ZNF540: variants seen among roughly 807,000 people sequenced by gnomAD.
ZNF540 encodes zinc finger protein 540.
In ZNF540, 3 loss-of-function variants were observed where a neutral mutation model predicts 11.8. That is an observed-to-expected ratio of 0.25 (90% CI 0.12 to 0.65). The LOEUF (loss-of-function observed/expected upper bound fraction) is 0.65. ZNF540 is among the 30% of genes least tolerant of loss of function. The probability of loss-of-function intolerance (pLI) is 0.83; values close to 1 mark genes in which losing one functional copy is unlikely to be tolerated. For synonymous variants in ZNF540, 247 were observed against 259.0 expected, an observed-to-expected ratio of 0.95 and a Z score of 0.45; for missense variants, 709 against 793.1, an observed-to-expected ratio of 0.89 and a Z score of 1.27.
At position 37,611,879 on chromosome 19, in the gene ZNF540, A is replaced by G. The variant is rs1022866317; in HGVS notation, c.599A>G (p.Tyr200Cys). ...KECGSTFNNV[Y>C]QLTLHQKIHT... ...TGTGGGAGTACTTTTAATAATGTCT[A>G]TCAGCTTACTCTCCATCAGAAAATT... Residue 200 changes from tyrosine (Y) to cysteine (C), a missense_variant, in exon 5 of 5, where the codon TAT becomes TGT. By Grantham distance (194) the Tyr-to-Cys change is radical. Coordinates refer to ENST00000316433, the MANE Select transcript of ZNF540 (RefSeq NM_001172225.3). 4 of 1,613,892 alleles carry G rather than the reference A, an allele frequency of 2.5e-6. No homozygotes were observed. Among genetic ancestry groups the G allele is most frequent in the East Asian group, 2.2e-5 (1 of 44,802 alleles).
chr19:37,574,536 T>G (rs1274889531), intron 1 of ZNF540, among the ~76,000 whole-genome samples: 1 of 152,210 alleles, frequency 6.6e-6, no homozygotes, highest in Non-Finnish European at 1.5e-5. Flanking sequence ...CATTATAACA[T>G]TAGAACTCAA....
At chr19:37,604,675 G>A (rs915598973) in intron 4 of ZNF540, among the ~76,000 whole-genome samples, 1 of 151,948 alleles carries the variant, frequency 6.6e-6, no homozygotes, top group Non-Finnish European at 1.5e-5. Context: ...TTCATTAATT[G>A]TATCTGTTTA....
At chr19:37,605,774 G>A (rs886351297) in intron 4 of ZNF540, among the ~76,000 whole-genome samples, 1 of 152,162 alleles carries the variant, frequency 6.6e-6, no homozygotes. Context: ...CATTTTAGTG[G>A]ATGTGTAGGT....
In ZNF540 at chr19:37,612,062, A is replaced by T; in HGVS notation, c.782A>T (p.His261Leu). 2.5e-6 allele frequency: 4 copies of T among 1,612,198 alleles called. No homozygotes were observed. The highest frequency in any genetic ancestry group is 3.4e-6 in the Non-Finnish European group (4 of 1,179,602). Residue 261 changes from histidine (H) to leucine (L), a missense_variant, in exon 5 of 5, where the codon CAT becomes CTT. Transcript: ENST00000316433. The part of the protein sequence containing the change: ...TFTLYPQLNR[H>L]QKIHTGKKPY... ...ACTCTTTACCCACAACTTAATCGAC[A>T]TCAGAAAATTCACACTGGTAAAAAA... is the stretch of plus-strand genomic sequence containing the variant.
intron 1 of ZNF540, chr19:37,556,261 T>C (rs182507483): frequency 3.2e-6 from 2 of 619,858 alleles, no homozygotes; most frequent in Non-Finnish European, 5.8e-6. Context: ...GTGAAAGAGG[T>C]GAGGAGAAAG....
At chr19:37,577,774 CAA>C (rs1447262871) in intron 1 of ZNF540, among the ~76,000 whole-genome samples, 1 of 152,190 alleles carries the variant, frequency 6.6e-6, no homozygotes, top group Non-Finnish European at 1.5e-5. Flanking sequence ...GGGGGGCACT[CAA>C]GATGGCTGAC....
chr19:37,565,301 G>T (rs763590603), intron 1 of ZNF540: 2 of 1,610,394 alleles, frequency 1.2e-6, no homozygotes, highest in South Asian at 2.2e-5. Flanking sequence ...AGTAAGTTGT[G>T]AGCCACGAAA....
chr19:37,580,173 G>T lies in ZNF540; in HGVS notation c.-72-18203G>T, dbSNP rs16974061. ...ACCCTACATGGAGGTAATACTAAAT[G>T]ATCTCCAGCTATATTATCAGGTTTA... On this transcript the variant is annotated intron_variant, in intron 1 of 4. Coordinates refer to the ZNF540 transcript ENST00000592533. 6.7e-3 allele frequency among the ~76,000 whole-genome samples: 1,027 copies of T among 152,286 alleles called. 32 individuals carry two copies. The highest frequency in any genetic ancestry group is 0.051 in the East Asian group (263 of 5,178).
chr19:37,600,751 G>C (rs954708905), intron 3 of ZNF540, among the ~76,000 whole-genome samples: 2 of 152,056 alleles, frequency 1.3e-5, no homozygotes, highest in Admixed American at 1.3e-4. Context: ...CCTCTCAATA[G>C]AGCCAGTCTG....
intron 1 of ZNF540, among the ~76,000 whole-genome samples, chr19:37,596,042 TAG>T (rs2043990571): frequency 6.6e-6 from 1 of 152,164 alleles, no homozygotes; most frequent in South Asian, 2.1e-4. Context: ...TAAGAAATAA[TAG>T]AGACATTGTG....
intron 1 of ZNF540, among the ~76,000 whole-genome samples, chr19:37,580,115 C>T (rs2043398547): frequency 6.6e-6 from 1 of 152,160 alleles, no homozygotes; most frequent in Non-Finnish European, 1.5e-5. Context: ...TATTGCTATT[C>T]CAACAGGAGT....
At position 37,577,263 on chromosome 19, in the gene ZNF540, T is replaced by TA. The variant is rs1436945033; in HGVS notation, c.-72-21110dup. On this transcript the variant is annotated intron_variant, in intron 1 of 4. Coordinates refer to the ZNF540 transcript ENST00000592533. Reference sequence around the variant, plus strand: ...ATAATTAACATAAATTTATATGAGGTAAATCATAACAAAGTAAGCATACTA... The same window carrying TA: ...ATAATTAACATAAATTTATATGAGGTAAAATCATAACAAAGTAAGCATACTA... Among the ~76,000 whole-genome samples, 4 of 152,258 alleles carry TA rather than the reference T, an allele frequency of 2.6e-5. No homozygotes were observed. In the East Asian group the frequency reaches 5.8e-4, roughly 22 times the overall value.
chr19:37,600,938 C>G (rs892262180), intron 3 of ZNF540, 72 bp from the exon 4 acceptor site: 12 of 1,281,632 alleles, frequency 9.4e-6, no homozygotes, highest in Non-Finnish European at 1.3e-5. Context: ...TAAATTTAAC[C>G]AAGTCTCAAA....
chr19:37,585,031 T>A (rs1185109450), intron 1 of ZNF540: 2 of 152,190 alleles, frequency 1.3e-5, no homozygotes, highest in Non-Finnish European at 2.9e-5. Flanking sequence ...TCTATAATTC[T>A]TGAGAGTATG....
chr19:37,611,410 A>T, intron 4 of ZNF540, 103 bp from the exon 5 acceptor site: 1 of 875,856 alleles, frequency 1.1e-6, no homozygotes, highest in Non-Finnish European at 1.7e-6. Context: ...ACTGACTTCT[A>T]GTAAGAACCG....
rs1367789468 is a variant in ZNF540 at position 37,568,765 on chromosome 19, A to G, written c.-73+17100A>G. On this transcript the variant is annotated intron_variant, in intron 1 of 4. Coordinates refer to the ZNF540 transcript ENST00000592533. The stretch of plus-strand genomic sequence containing the variant: ...GTCATTAAATTAATGAAAAAACTAT[A>G]TGGTGAAAAAAGGGAAAACTGCAAA... Among the ~76,000 whole-genome samples, 4 of 152,164 alleles carry G rather than the reference A, an allele frequency of 2.6e-5. No individual in the cohort carries two copies. In the South Asian group the frequency reaches 8.3e-4, roughly 31 times the overall value.
Position 37,599,182 on chromosome 19 carries a change from A to C in ZNF540, c.10-444A>C, listed in dbSNP as rs80007617. ...TCGATTGATCAATCGATTGATCGAT[A>C]GATAGATAGATAGATAGATAAACTT... On this transcript the variant is annotated intron_variant, in intron 2 of 4. Transcript: ENST00000316433. 5.6e-3 allele frequency among the ~76,000 whole-genome samples: 481 copies of C among 85,876 alleles called. 3 individuals carry two copies. The highest frequency in any genetic ancestry group is 0.015 in the Middle Eastern group (2 of 136). 56.3% of individuals were successfully genotyped at this position (85,876 alleles called of 152,430 possible). A position where few individuals can be genotyped will look rare whatever the true frequency, so the allele number is the denominator to read the frequency against.
chr19:37,554,188 C>T (rs1568333579), intron 1 of ZNF540, among the ~76,000 whole-genome samples: 2 of 151,346 alleles, frequency 1.3e-5, no homozygotes, highest in African/African-American at 4.8e-5. Flanking sequence ...TTGTTCCCAT[C>T]TTTGTGTCCA....
intron 4 of ZNF540, among the ~76,000 whole-genome samples, chr19:37,604,402 G>A (rs2044066509): frequency 7.1e-6 from 1 of 140,946 alleles, no homozygotes; most frequent in Non-Finnish European, 1.5e-5. Flanking sequence ...CCGCCTCCCG[G>A]GTTCACGCCA....
Sources: allele counts gnomAD v4.1 joint callset (sites outside exome capture counted in the v4.1 genomes callset), GRCh38; gene constraint gnomAD v4.1.1; transcripts MANE v1.5; gene names NCBI Gene and HGNC (gene_info 2026-07-23, HGNC 2026-07-21).